Variants in TCOF1 observed in about 807,000 individuals in gnomAD.
TCOF1 encodes the protein treacle protein.
In TCOF1, 33 loss-of-function variants were observed where a neutral mutation model predicts 149.0. That is an observed-to-expected ratio of 0.22 (90% CI 0.17 to 0.30). TCOF1 has a LOEUF of 0.30. Ranked by LOEUF, TCOF1 falls within the 10% of genes least tolerant of loss-of-function variation. TCOF1 has a pLI of 1.00. For synonymous variants in TCOF1, 789 were observed against 738.8 expected (o/e 1.07, Z -1.10); for missense variants, 1,728 against 1,840.7 (o/e 0.94, Z 1.12).
intron 4 of TCOF1, 159 bp downstream of exon 4, chr5:150,368,076 C>G (rs940732198): frequency 1.4e-6 from 1 of 705,238 alleles, no homozygotes; most frequent in Non-Finnish European, 2.4e-6. Flanking sequence ...GTCCCTTCAC[C>G]TCTCTGGGCC....
In TCOF1 at chr5:150,384,162, G is replaced by T. The variant is rs568643872; in HGVS notation, c.2860-3740G>T. 1.3e-4 allele frequency: 141 copies of T among 1,049,010 alleles called. No individual in the cohort carries two copies. In the African/African-American group the frequency reaches 2.2e-3, roughly 17 times the overall value. 65.0% of individuals were successfully genotyped at this position (1,049,010 alleles called of 1,614,324 possible). ...TGTTATCAATTCATCAGTAAGGTCAGATGCTGTTTGCACACCTCCAGCAAT... is the reference window on the plus strand; with the variant it reads ...TGTTATCAATTCATCAGTAAGGTCATATGCTGTTTGCACACCTCCAGCAAT... On this transcript the variant is annotated intron_variant, in intron 17 of 26. Coordinates refer to ENST00000643257, the MANE Select transcript of TCOF1 (RefSeq NM_001371623.1).
intron 3 of TCOF1, among the ~76,000 whole-genome samples, chr5:150,365,423 G>A (rs1274116286): frequency 6.6e-6 from 1 of 151,912 alleles, no homozygotes; most frequent in Admixed American, 6.6e-5. Flanking sequence ...AATGCAAAAC[G>A]AGTTCACTTT....
At chr5:150,369,224 ATCTG>A (rs1232312635) in intron 5 of TCOF1, among the ~76,000 whole-genome samples, 1 of 152,198 alleles carries the variant, frequency 6.6e-6, no homozygotes, top group Non-Finnish European at 1.5e-5. Context: ...TAGAGTAGAC[ATCTG>A]TCTGGCCTGC....
intron 17 of TCOF1, chr5:150,384,021 C>T (rs1376684255): frequency 6.5e-6 from 9 of 1,374,054 alleles, no homozygotes; most frequent in South Asian, 1.8e-5. Flanking sequence ...TTCTGCCAGG[C>T]ACCTCAGAGC....
At chr5:150,372,355 T>C (rs973144747) in intron 7 of TCOF1, 119 bp downstream of exon 7, 4 of 890,434 alleles carry the variant, frequency 4.5e-6, no homozygotes, top group African/African-American at 1.7e-5. Context: ...TGGTGTGAAG[T>C]TGAAGAGCAA....
At chr5:150,361,460 C>T (rs530648019) in intron 2 of TCOF1, among the ~76,000 whole-genome samples, 1 of 152,304 alleles carries the variant, frequency 6.6e-6, no homozygotes, top group African/African-American at 2.4e-5. Context: ...GTCAGTTGCT[C>T]AGCAAACGTA....
Position 150,357,788 on chromosome 5 carries a change from C to G in TCOF1, c.42C>G (p.Ile14Met), listed in dbSNP as rs1581000221. 1.9e-6 allele frequency: 3 copies of G among 1,549,790 alleles called. No individual in the cohort carries two copies. The highest frequency in any genetic ancestry group is 1.7e-6 in the Non-Finnish European group (2 of 1,146,578). Residue 14 changes from isoleucine to methionine, a missense_variant, in exon 1 of 27, where the codon ATC (isoleucine) becomes ATG (methionine). By Grantham distance (10) the Ile-to-Met change is conservative. Transcript: ENST00000643257. ...ARKRRELLPL[I>M]YHHLLRAGYV... is the part of the protein sequence containing the mutation. Reference sequence around the variant, plus strand: ...AGCGGCGGGAGCTACTTCCCCTGATCTACCACCATCTGCTGCGGGCTGGCT... The same window carrying G: ...AGCGGCGGGAGCTACTTCCCCTGATGTACCACCATCTGCTGCGGGCTGGCT...
At chr5:150,361,697 C>T (rs939591699) in intron 2 of TCOF1, among the ~76,000 whole-genome samples, 4 of 152,176 alleles carry the variant, frequency 2.6e-5, no homozygotes, top group African/African-American at 9.7e-5. Context: ...CTGGCTTCAT[C>T]TGGGGGTCCA....
intron 7 of TCOF1, among the ~76,000 whole-genome samples, chr5:150,373,212 T>TTGTG (rs113101162): frequency 5.6e-4 from 83 of 148,760 alleles, no homozygotes; most frequent in African/African-American, 7.1e-4. Flanking sequence ...CACACCCAGC[T>TTGTG]TGTGTGTGTG....
At chr5:150,386,073 C>G (rs1449315328) in intron 17 of TCOF1, among the ~76,000 whole-genome samples, 1 of 152,148 alleles carries the variant, frequency 6.6e-6, no homozygotes, top group Non-Finnish European at 1.5e-5. Context: ...AGAAGCAGGT[C>G]TTCTCCTATA....
rs538954042 is a variant in TCOF1, at chr5:150,361,185, T to G, written c.138T>G (p.Leu46=). 7 of 1,614,060 alleles carry G rather than the reference T, an allele frequency of 4.3e-6. No individual in the cohort carries two copies. The highest frequency in any genetic ancestry group is 3.3e-5 in the Admixed American group (2 of 60,008). ...QKCFLAQPVT[L]LDIYTHWQQT... ...GTTTCCTGGCTCAGCCCGTAACCCTTCTGGACATCTATACACACTGGCAAC... is the reference window on the plus strand; with the variant it reads ...GTTTCCTGGCTCAGCCCGTAACCCTGCTGGACATCTATACACACTGGCAAC... The change falls in exon 2 of 27, where the codon CTT becomes CTG. Residue 46 remains leucine, a synonymous_variant. Transcript: ENST00000643257.
rs370407398 is a variant in TCOF1 at position 150,396,853 on chromosome 5, G to A, written c.4345+11G>A. On this transcript the variant is annotated intron_variant, in intron 24 of 26. Transcript: ENST00000643257. ...AGAAATCCGACAAGAGTGAGTGACC[G>A]CTTCTCCCAGCCCACCCCAAGGGCT... 1.1e-4 allele frequency: 169 copies of A among 1,581,098 alleles called. 1 individual carries two copies. The African/African-American group carries it at 1.4e-3, about 13-fold the overall frequency.
rs775729667 is a variant in TCOF1 at position 150,393,337 on chromosome 5, G to A, written c.3604-35G>A. 6.2e-6 allele frequency: 10 copies of A among 1,613,352 alleles called. 1 individual carries two copies. The South Asian group carries it at 6.6e-5, about 11-fold the overall frequency. ...GGCTGGGTTATGGCAGTGGGGTGGG[G>A]TGGTGGCAGCCTCTTTCACAATGGG... is the stretch of plus-strand genomic sequence containing the variant. On this transcript the variant is annotated intron_variant, in intron 22 of 26. Transcript: ENST00000643257.
chr5:150,396,195 A>G, intron 23 of TCOF1, 87 bp from the exon 24 acceptor site: 1 of 1,462,714 alleles, frequency 6.8e-7, no homozygotes, highest in Non-Finnish European at 9.6e-7. Flanking sequence ...AGATGGAGTC[A>G]CTCCCTGCAC....
intron 1 of TCOF1, among the ~76,000 whole-genome samples, chr5:150,358,970 G>T (rs770596032): frequency 2.7e-5 from 4 of 149,256 alleles, no homozygotes; most frequent in Non-Finnish European, 5.9e-5. Flanking sequence ...GGAATTTGAG[G>T]ATACAGTATG....
intron 2 of TCOF1, among the ~76,000 whole-genome samples, chr5:150,363,214 G>T (rs999869394): frequency 2.0e-5 from 3 of 152,202 alleles, no homozygotes; most frequent in Non-Finnish European, 2.9e-5. Context: ...CAACATTTTT[G>T]TTGGGGGAAA....
At chr5:150,369,786 C>T (rs1327840035) in intron 6 of TCOF1, among the ~76,000 whole-genome samples, 184 bp downstream of exon 6, 1 of 152,126 alleles carries the variant, frequency 6.6e-6, no homozygotes. Flanking sequence ...TTGCTGCACT[C>T]TGAGTGTGAG....
chr5:150,371,547 G>C (rs527559868), intron 6 of TCOF1, among the ~76,000 whole-genome samples: 1 of 152,184 alleles, frequency 6.6e-6, no homozygotes, highest in Non-Finnish European at 1.5e-5. Context: ...GCTCACAGAG[G>C]GAAGGAATTT....
At chr5:150,398,645 C>T (rs565816248) in intron 25 of TCOF1, among the ~76,000 whole-genome samples, 194 bp downstream of exon 25, 3 of 152,276 alleles carry the variant, frequency 2.0e-5, no homozygotes, top group South Asian at 2.1e-4. Context: ...AGTGGCCTGC[C>T]GGAGGTAGAA....
Sources: gnomAD v4.1 joint callset for allele counts (sites outside exome capture counted in the v4.1 genomes callset) on GRCh38, gnomAD v4.1.1 for gene constraint, MANE v1.5 for transcripts, NCBI Gene and HGNC (gene_info 2026-07-23, HGNC 2026-07-21) for gene names.